The following RPS3 variants were observed in gnomAD, a reference collection of about 807,000 sequenced individuals.
RPS3 encodes the protein small ribosomal subunit protein uS3.
A neutral mutation model predicts 25.8 loss-of-function variants in RPS3; 2 were observed. The ratio of observed to expected loss-of-function variants is 0.08; its 90% CI spans 0.03 to 0.24. The LOEUF (loss-of-function observed/expected upper bound fraction) is 0.24. Ranked by LOEUF, RPS3 falls within the 10% of genes least tolerant of loss-of-function variation. The pLI, the probability that RPS3 is intolerant of heterozygous loss-of-function variation, is 1.00. For synonymous variants in RPS3, 114 were observed against 114.2 expected, an observed-to-expected ratio of 1.00 and a Z score of 0.01; for missense variants, 107 against 307.1, an observed-to-expected ratio of 0.35 and a Z score of 4.87.
chr11:75,404,341 C>T lies in RPS3; in HGVS notation c.538+134C>T, dbSNP rs905401283. On this transcript the variant is annotated intron_variant, in intron 5 of 6. Coordinates refer to ENST00000531188, the MANE Select transcript of RPS3 (RefSeq NM_001005.5). This position sits in a 1 kb window ranked among gnomAD's most constrained non-coding sequence, Gnocchi z 4.6. ...ATATTCCTTGGTGTATCGATTGCCA[C>T]GTTGATCTGTAAGAATCGATTTGCT... is the stretch of plus-strand genomic sequence containing the variant. 1.1e-5 allele frequency: 10 copies of T among 877,476 alleles called. No homozygotes were observed. The highest frequency in any genetic ancestry group is 3.7e-5 in the Admixed American group (2 of 54,280). 54.4% of individuals were successfully genotyped at this position (877,476 alleles called of 1,614,324 possible).
At position 75,404,015 on chromosome 11, in the gene RPS3, T is replaced by C. The variant is rs1445266607; in HGVS notation, c.351-5T>C. 2 of 1,611,228 alleles carry C rather than the reference T, an allele frequency of 1.2e-6. No homozygotes were observed. The highest frequency in any genetic ancestry group is 1.7e-6 in the Non-Finnish European group (2 of 1,179,562). On this transcript the variant is annotated splice_region_variant and splice_polypyrimidine_tract_variant and intron_variant, in intron 4 of 6. Coordinates refer to ENST00000531188, the MANE Select transcript of RPS3 (RefSeq NM_001005.5). The surrounding 1 kb of genome is among the most constrained non-coding windows in gnomAD (Gnocchi z 4.6). Reference sequence around the variant, plus strand: ...ACACAGTGGCTCTCTTCTGTTCTTTTAAAGGGCCTGCTATGGTGTGCTGCG... The same window carrying C: ...ACACAGTGGCTCTCTTCTGTTCTTTCAAAGGGCCTGCTATGGTGTGCTGCG...
chr11:75,402,492 A>G (rs750777065), intron 4 of RPS3, 46 bp downstream of exon 4: 1 of 1,561,698 alleles, frequency 6.4e-7, no homozygotes, highest in Non-Finnish European at 8.7e-7. Context: ...GTGTGTATCA[A>G]CATACATGTC....
intron 6 of RPS3, 130 bp from the exon 7 acceptor site, chr11:75,405,484 G>GA: frequency 2.8e-6 from 1 of 363,222 alleles, no homozygotes; most frequent in Non-Finnish European, 5.3e-6. Flanking sequence ...TATGAAAAAG[G>GA]ACAAACCCTT....
intron 6 of RPS3, among the ~76,000 whole-genome samples, chr11:75,418,323 A>G (rs1352246830): frequency 6.6e-6 from 1 of 152,148 alleles, no homozygotes; most frequent in Non-Finnish European, 1.5e-5. Flanking sequence ...GGTAAATATA[A>G]CCTTTTGACA....
chr11:75,417,224 C>T (rs1243424335), intron 6 of RPS3, among the ~76,000 whole-genome samples: 1 of 152,144 alleles, frequency 6.6e-6, no homozygotes, highest in East Asian at 1.9e-4. Context: ...TATCCCAGCA[C>T]TTTGGGAGGC....
chr11:75,404,723 A>T lies in RPS3; in HGVS notation c.590A>T (p.Lys197Met). The change falls in exon 6 of 7, where the codon AAG (lysine) becomes ATG (methionine). Residue 197 changes from lysine to methionine, a missense_variant. By Grantham distance (95) the Lys-to-Met change is moderately conservative. This residue lies in a region of RPS3 where 81 missense variants were observed against 286.8 expected (regional missense o/e 0.28). Coordinates refer to ENST00000531188, the MANE Select transcript of RPS3 (RefSeq NM_001005.5). The surrounding 1 kb of genome is among the most constrained non-coding windows in gnomAD (Gnocchi z 4.6). ...ATGCTGCCCTGGGACCCAACTGGTA[A>T]GATTGGCCCTAAGAAGCCCCTGCCT... ...KIMLPWDPTG[K>M]IGPKKPLPDH... 1 of 1,613,450 alleles carries T rather than the reference A, an allele frequency of 6.2e-7. No individual in the cohort carries two copies. The highest frequency in any genetic ancestry group is 1.7e-5 in the Admixed American group (1 of 60,002).
chr11:75,411,738 G>A (rs1948358369), downstream of RPS3, among the ~76,000 whole-genome samples: 1 of 152,216 alleles, frequency 6.6e-6, no homozygotes. Flanking sequence ...CTTGTTGCTT[G>A]ACCAAATGGC....
chr11:75,420,827 A>G (rs773335499), intron 6 of RPS3, among the ~76,000 whole-genome samples: 7 of 152,000 alleles, frequency 4.6e-5, no homozygotes, highest in Non-Finnish European at 8.8e-5. Context: ...GAAGGGGCAC[A>G]AGGAGAAGAG....
chr11:75,410,098 G>C (rs1948334202), downstream of RPS3, among the ~76,000 whole-genome samples: 1 of 143,244 alleles, frequency 7.0e-6, no homozygotes, highest in South Asian at 2.2e-4. Context: ...CCCGGACTGG[G>C]CGGCTGGCCG....
chr11:75,409,162 TTTATTTATTATTATTA>T (rs1948317929), downstream of RPS3, among the ~76,000 whole-genome samples: 1 of 150,874 alleles, frequency 6.6e-6, no homozygotes. Context: ...TTATTTTTAT[TTTATTTATTATTATTA>T]TTATTTATTT....
intron 6 of RPS3, chr11:75,421,614 C>T (rs1948446718): frequency 6.6e-6 from 1 of 152,270 alleles, no homozygotes; most frequent in Non-Finnish European, 1.5e-5. Flanking sequence ...GCCAGGGTGA[C>T]TGGCTTCTCA....
Position 75,402,684 on chromosome 11 carries a change from G to T in RPS3, c.350+238G>T. 1 of 329,632 alleles carries T rather than the reference G, an allele frequency of 3.0e-6. No individual in the cohort carries two copies. Among genetic ancestry groups the T allele is most frequent in the Admixed American group, 4.4e-5 (1 of 22,920 alleles). 20.4% of individuals were successfully genotyped at this position (329,632 alleles called of 1,614,324 possible). ...ATGGAGAAGTGTTCTGGGTGCTTTGGGAGTTAAACACAAATAGAACTGTCC... is the reference window on the plus strand; with the variant it reads ...ATGGAGAAGTGTTCTGGGTGCTTTGTGAGTTAAACACAAATAGAACTGTCC... On this transcript the variant is annotated intron_variant, in intron 4 of 6. Coordinates refer to ENST00000531188, the MANE Select transcript of RPS3 (RefSeq NM_001005.5).
intron 6 of RPS3, among the ~76,000 whole-genome samples, chr11:75,418,731 G>A (rs1948421275): frequency 6.6e-6 from 1 of 152,196 alleles, no homozygotes; most frequent in Non-Finnish European, 1.5e-5. Context: ...CACAAAGAAG[G>A]TGGAGCCCTA....
chr11:75,399,553 A>T lies in RPS3; in HGVS notation c.6A>T (p.Ala2=). 1 of 1,613,882 alleles carries T rather than the reference A, an allele frequency of 6.2e-7. No homozygotes were observed. The highest frequency in any genetic ancestry group is 8.5e-7 in the Non-Finnish European group (1 of 1,179,906). Reference sequence around the variant, plus strand: ...CAGCGGAGCGCGGCGGCAAGATGGCAGTGCAAATATCCAAGAAGAGGAAGG... The same window carrying T: ...CAGCGGAGCGCGGCGGCAAGATGGCTGTGCAAATATCCAAGAAGAGGAAGG... The part of the protein sequence containing the change: M[A]VQISKKRKFV... The change falls in exon 1 of 7, where the codon GCA becomes GCT. Residue 2 remains alanine (A), a synonymous_variant. Coordinates refer to ENST00000531188, the MANE Select transcript of RPS3 (RefSeq NM_001005.5).
In RPS3 at chr11:75,404,185, G is replaced by C. The variant is rs1948250151; in HGVS notation, c.516G>C (p.Val172=). The change falls in exon 5 of 7, where the codon GTG becomes GTC. Residue 172 remains valine, a synonymous_variant. Coordinates refer to ENST00000531188, the MANE Select transcript of RPS3 (RefSeq NM_001005.5). This position sits in a 1 kb window ranked among gnomAD's most constrained non-coding sequence, Gnocchi z 4.6. ...TTAACTACTACGTTGACACTGCTGT[G>C]CGCCACGTGTTGCTCAGACAGGGTG... The part of the protein sequence containing the change: ...DPVNYYVDTA[V]RHVLLRQGVL... 1 of 1,613,942 alleles carries C rather than the reference G, an allele frequency of 6.2e-7. No individual in the cohort carries two copies.
chr11:75,415,192 C>T (rs1948386148), intron 6 of RPS3, among the ~76,000 whole-genome samples: 1 of 152,222 alleles, frequency 6.6e-6, no homozygotes, highest in South Asian at 2.1e-4. Context: ...AGAAGCTGAG[C>T]ATTGCAGTCA....
At chr11:75,417,454 A>G (rs150534707) in intron 6 of RPS3, among the ~76,000 whole-genome samples, 1,681 of 152,250 alleles carry the variant, frequency 0.011, 35 homozygotes, top group African/African-American at 0.038. Flanking sequence ...AAAATTAGCC[A>G]GGCGTGGTGG....
At chr11:75,401,802 G>A (rs1249407683) in intron 3 of RPS3, 69 bp downstream of exon 3, 2 of 886,258 alleles carry the variant, frequency 2.3e-6, no homozygotes, top group Admixed American at 1.9e-5. Context: ...CTCTCAACTT[G>A]GAGACTTTAA....
Position 75,404,593 on chromosome 11 carries a change from A to G in RPS3, c.539-79A>G. ...TCCAGACCCAGGGGTGCTTGAGTAA[A>G]CTGCTTGCTCTCTTTGGTCTTGTGT... On this transcript the variant is annotated intron_variant, in intron 5 of 6. Transcript: ENST00000531188. The surrounding 1 kb of genome is among the most constrained non-coding windows in gnomAD (Gnocchi z 4.6). 2 of 1,420,812 alleles carry G rather than the reference A, an allele frequency of 1.4e-6. No individual in the cohort carries two copies. Among genetic ancestry groups the G allele is most frequent in the South Asian group, 2.3e-5 (2 of 86,352 alleles). The allele number at this position is 1,420,812 out of a possible 1,614,324, so 88.0% of individuals were successfully genotyped here.
Sources: gnomAD v4.1 joint callset for allele counts (sites outside exome capture counted in the v4.1 genomes callset) on GRCh38, gnomAD v4.1.1 for gene constraint, gnomAD v4.1.1 regional missense constraint, Gnocchi (gnomAD v3.1) non-coding constraint, MANE v1.5 for transcripts, NCBI Gene and HGNC (gene_info 2026-07-23, HGNC 2026-07-21) for gene names.